Variants in RMDN3 observed in about 807,000 individuals in gnomAD.
RMDN3 encodes the protein regulator of microtubule dynamics protein 3.
RMDN3 carries 41 observed loss-of-function variants against 61.8 expected under a neutral mutation model. The ratio of observed to expected loss-of-function variants is 0.66; its 90% CI spans 0.52 to 0.86. The LOEUF is 0.86. Ranked by LOEUF, RMDN3 falls within the 40% of genes least tolerant of loss-of-function variation. The pLI, the probability that RMDN3 is intolerant of heterozygous loss-of-function variation, is 0.00. For synonymous variants in RMDN3, 247 were observed against 232.0 expected (o/e 1.06, Z -0.59); for missense variants, 557 against 585.3 (o/e 0.95, Z 0.50).
At chr15:40,751,313 T>G in intron 4 of RMDN3, 113 bp downstream of exon 4, 1 of 1,335,830 alleles carries the variant, frequency 7.5e-7, no homozygotes, top group Non-Finnish European at 1.0e-6. Flanking sequence ...TATTATACTC[T>G]TACCTGTTCC....
intron 8 of RMDN3, 22 bp downstream of exon 8, chr15:40,738,479 A>G: frequency 1.2e-6 from 2 of 1,612,100 alleles, no homozygotes; most frequent in Non-Finnish European, 8.5e-7. Flanking sequence ...AGCACAAGGA[A>G]GGAGGAAAAG....
intron 2 of RMDN3, among the ~76,000 whole-genome samples, chr15:40,752,904 C>T (rs1237032408): frequency 6.6e-6 from 1 of 152,060 alleles, no homozygotes; most frequent in Non-Finnish European, 1.5e-5. Flanking sequence ...AGCATAAATC[C>T]CTTCTTAAAG....
At chr15:40,754,127 CTTTTTTT>C (rs71428308) in intron 2 of RMDN3, among the ~76,000 whole-genome samples, 21 of 123,810 alleles carry the variant, frequency 1.7e-4, no homozygotes, top group South Asian at 8.0e-4. Context: ...ACCACGACTG[CTTTTTTT>C]TTTTTTTTTT....
At chr15:40,740,338 A>G (rs1464615771) in intron 6 of RMDN3, 145 bp from the exon 7 acceptor site, 3 of 682,914 alleles carry the variant, frequency 4.4e-6, no homozygotes, top group Admixed American at 2.1e-5. Context: ...CTTGAGCAGA[A>G]TGAAAGGCCG....
chr15:40,745,404 CTTT>C (rs1037310449), intron 4 of RMDN3, 145 bp from the exon 5 acceptor site: 2 of 529,214 alleles, frequency 3.8e-6, no homozygotes, highest in Non-Finnish European at 6.3e-6. Context: ...TAAGGGCAGA[CTTT>C]TTTTCTTTTT....
intron 4 of RMDN3, among the ~76,000 whole-genome samples, chr15:40,746,850 T>C (rs1897588406): frequency 6.6e-6 from 1 of 151,694 alleles, no homozygotes; most frequent in East Asian, 1.9e-4. Context: ...TAAGAGGTTA[T>C]CCAAGTAGAT....
At chr15:40,744,922 C>A (rs1015646829) in intron 5 of RMDN3, 55 bp downstream of exon 5, 41 of 1,515,274 alleles carry the variant, frequency 2.7e-5, no homozygotes, top group Non-Finnish European at 3.6e-5. Context: ...GGGTCAGGAA[C>A]AGAGAGATGG....
At chr15:40,739,299 TC>T (rs141438931) in intron 7 of RMDN3, 5,366 of 152,338 alleles carry the variant, frequency 0.035, 126 homozygotes, top group South Asian at 0.072. Flanking sequence ...ATGCTAAGTA[TC>T]CGGGGGGTAT....
At chr15:40,752,525 C>G (rs764216183) in intron 2 of RMDN3, among the ~76,000 whole-genome samples, 1 of 152,080 alleles carries the variant, frequency 6.6e-6, no homozygotes, top group Non-Finnish European at 1.5e-5. Context: ...CCATATAGTG[C>G]CCAATACCAA....
Position 40,736,480 on chromosome 15 carries a change from A to G in RMDN3, c.*61T>C. 1 of 1,513,966 alleles carries G rather than the reference A, an allele frequency of 6.6e-7. No homozygotes were observed. Among genetic ancestry groups the G allele is most frequent in the African/African-American group, 1.4e-5 (1 of 72,696 alleles). 93.8% of individuals were successfully genotyped at this position (1,513,966 alleles called of 1,614,324 possible). A position where few individuals can be genotyped will look rare whatever the true frequency, so the allele number is the denominator to read the frequency against. On this transcript the variant is annotated 3_prime_UTR_variant, in exon 13 of 13. Coordinates refer to ENST00000338376, the MANE Select transcript of RMDN3 (RefSeq NM_018145.3). ...GATCTCAGCAAGGTCTAAGGAAAAAAGCCTCCCCGCCCCCCCACCTTAAAT... is the reference window on the plus strand; with the variant it reads ...GATCTCAGCAAGGTCTAAGGAAAAAGGCCTCCCCGCCCCCCCACCTTAAAT...
At chr15:40,743,808 ACTC>A (rs1486763542) in intron 6 of RMDN3, among the ~76,000 whole-genome samples, 1 of 152,168 alleles carries the variant, frequency 6.6e-6, no homozygotes, top group East Asian at 1.9e-4. Context: ...GGATACAACT[ACTC>A]CTAGAAACAC....
rs1278079176 is a variant in RMDN3 at position 40,737,920 on chromosome 15, G to A, written c.1125+45C>T. The A allele has an allele frequency of 1.9e-6, 3 of 1,598,158 alleles. No homozygotes were observed. In the East Asian group the frequency reaches 6.7e-5, roughly 36 times the overall value. ...CTTCCTGGCAAGGAAATCGGTGTCA[G>A]AAGGCATTTAGGACCATTATGTCAA... On this transcript the variant is annotated intron_variant, in intron 9 of 12. Transcript: ENST00000338376.
rs200285306 is a variant in RMDN3, at chr15:40,752,019, C to G, written c.347G>C (p.Arg116Pro). The G allele has an allele frequency of 5.0e-6, 8 of 1,614,184 alleles. No homozygotes were observed. The highest frequency in any genetic ancestry group is 5.9e-6 in the Non-Finnish European group (7 of 1,180,024). Residue 116 changes from arginine to proline, a missense_variant, in exon 3 of 13, where the codon CGA (arginine) becomes CCA (proline). Physicochemically the swap from Arg to Pro is moderately radical, Grantham distance 103. Transcript: ENST00000338376. Reference protein sequence around the residue: ...REVEELRSSLRGLAGEIVGEV... With the variant: ...REVEELRSSLPGLAGEIVGEV... ...CCCAACAATCTCCCCCGCAAGCCCT[C>G]GCAGGCTGCTTCTCAGCTCCTCCAC...
At position 40,755,079 on chromosome 15, in the gene RMDN3, C is replaced by T. The variant is rs1897990012; in HGVS notation, c.-8+4G>A. 2.8e-6 allele frequency: 1 copy of T among 352,872 alleles called. No homozygotes were observed. The highest frequency in any genetic ancestry group is 5.3e-6 in the Non-Finnish European group (1 of 189,254). The allele number at this position is 352,872 out of a possible 1,614,324, so 21.9% of individuals were successfully genotyped here. A position where few individuals can be genotyped will look rare whatever the true frequency, so the allele number is the denominator to read the frequency against. On this transcript the variant is annotated splice_donor_region_variant and intron_variant, in intron 1 of 12. Coordinates refer to ENST00000338376, the MANE Select transcript of RMDN3 (RefSeq NM_018145.3). Reference sequence around the variant, plus strand: ...AGTCCGGCTTCTGGGCCTTCAACCCCCACCTCAGCCTCACGACACTGCAGA... The same window carrying T: ...AGTCCGGCTTCTGGGCCTTCAACCCTCACCTCAGCCTCACGACACTGCAGA...
At chr15:40,737,557 G>A in intron 10 of RMDN3, 71 bp downstream of exon 10, 1 of 1,389,632 alleles carries the variant, frequency 7.2e-7, no homozygotes, top group East Asian at 2.3e-5. Flanking sequence ...CCCATTAAGG[G>A]TCTCAATAAT....
Position 40,745,554 on chromosome 15 carries a change from C to T in RMDN3, c.525-295G>A, listed in dbSNP as rs1024756265. On this transcript the variant is annotated intron_variant, in intron 4 of 12. Coordinates refer to ENST00000338376, the MANE Select transcript of RMDN3 (RefSeq NM_018145.3). ...AATTTTTTTGTATTTTTAGTAGAGA[C>T]GGGGTTTTGCCATGTTGCCCAGACT... Among the ~76,000 whole-genome samples the T allele has an allele frequency of 3.3e-5, 5 of 151,620 alleles. No homozygotes were observed. In the South Asian group the frequency reaches 6.2e-4, roughly 19 times the overall value.
chr15:40,736,998 C>T (rs1051959141), intron 12 of RMDN3, 126 bp downstream of exon 12: 29 of 780,030 alleles, frequency 3.7e-5, no homozygotes, highest in Admixed American at 1.6e-4. Context: ...GAATTATAGG[C>T]GTGCGCCACT....
chr15:40,744,323 G>A, intron 5 of RMDN3, 174 bp from the exon 6 acceptor site: 1 of 605,710 alleles, frequency 1.7e-6, no homozygotes, highest in African/African-American at 1.8e-5. Context: ...CCCACGTGCA[G>A]TTAATGTATG....
chr15:40,736,862 T>G (rs1215699274), intron 12 of RMDN3, among the ~76,000 whole-genome samples: 1 of 150,638 alleles, frequency 6.6e-6, no homozygotes, highest in Non-Finnish European at 1.5e-5. Flanking sequence ...TTTTGTTTGG[T>G]TTTTTTTTGA....
Sources: allele counts gnomAD v4.1 joint callset (sites outside exome capture counted in the v4.1 genomes callset), GRCh38; gene constraint gnomAD v4.1.1; transcripts MANE v1.5; gene names NCBI Gene and HGNC (gene_info 2026-07-23, HGNC 2026-07-21).